Variants in PSME4 observed in about 807,000 individuals in gnomAD.
The protein encoded by PSME4 is proteasome activator subunit 4.
In PSME4, 89 loss-of-function variants were observed where a neutral mutation model predicts 253.9. That is an observed-to-expected ratio of 0.35 (90% CI 0.30 to 0.42). The LOEUF is 0.42. Among genes scored for constraint, PSME4 ranks in the 10% least tolerant of loss-of-function variants. PSME4 has a pLI of 1.00. For synonymous variants in PSME4, 851 were observed against 759.2 expected, an observed-to-expected ratio of 1.12 and a Z score of -1.99; for missense variants, 2,014 against 2,195.2, an observed-to-expected ratio of 0.92 and a Z score of 1.65.
At chr2:53,948,560 T>C in intron 2 of PSME4, 23 bp from the exon 3 acceptor site, 2 of 1,361,842 alleles carry the variant, frequency 1.5e-6, no homozygotes, top group Non-Finnish European at 2.1e-6. Flanking sequence ...ATAAAATAAA[T>C]ACCTATGTAT....
chr2:53,895,869 T>C (rs1680115802), intron 32 of PSME4, 133 bp from the exon 33 acceptor site: 3 of 764,624 alleles, frequency 3.9e-6, no homozygotes, highest in Middle Eastern at 2.9e-4. Flanking sequence ...TAAGATAACA[T>C]ATATATGAGC....
intron 3 of PSME4, among the ~76,000 whole-genome samples, chr2:53,948,192 C>G (rs1453793011): frequency 6.6e-6 from 1 of 152,058 alleles, no homozygotes; most frequent in African/African-American, 2.4e-5. Flanking sequence ...AATTAGCTAT[C>G]AAAGAGGCAG....
rs1395272594 is a variant in PSME4, at chr2:53,906,421, G to A, written c.2943+177C>T. ...CATGAGTTAAGAGAGCCTAGCTTTT[G>A]GTCCTGGTTTTATTACTTCCTGGAG... On this transcript the variant is annotated intron_variant, in intron 26 of 46. Coordinates refer to ENST00000404125, the MANE Select transcript of PSME4 (RefSeq NM_014614.3). Among the ~76,000 whole-genome samples the A allele has an allele frequency of 2.6e-5, 4 of 152,074 alleles. No individual in the cohort carries two copies. The East Asian group carries it at 7.7e-4, about 29-fold the overall frequency.
chr2:53,905,570 C>T (rs922804955), intron 26 of PSME4, among the ~76,000 whole-genome samples: 1 of 152,130 alleles, frequency 6.6e-6, no homozygotes, highest in Non-Finnish European at 1.5e-5. Flanking sequence ...AGCATGGTGG[C>T]GCATGCCTGT....
At chr2:53,878,586 C>T (rs1679240207) in intron 41 of PSME4, among the ~76,000 whole-genome samples, 1 of 152,304 alleles carries the variant, frequency 6.6e-6, no homozygotes, top group African/African-American at 2.4e-5. Context: ...AGTAACATCC[C>T]TGAGAAAGAG....
chr2:53,887,492 AG>A, intron 39 of PSME4, 25 bp from the exon 40 acceptor site: 1 of 1,569,726 alleles, frequency 6.4e-7, no homozygotes, highest in Non-Finnish European at 8.7e-7. Flanking sequence ...ACTTAATAAT[AG>A]GAAGAGGTGC....
chr2:53,894,645 A>G (rs1477173142), intron 34 of PSME4, among the ~76,000 whole-genome samples: 1 of 149,066 alleles, frequency 6.7e-6, no homozygotes, highest in Non-Finnish European at 1.5e-5. Flanking sequence ...ACATGCATTT[A>G]CGGAGATCCC....
chr2:53,901,796 G>A (rs919225870), intron 27 of PSME4, among the ~76,000 whole-genome samples: 3 of 152,214 alleles, frequency 2.0e-5, no homozygotes, highest in Non-Finnish European at 2.9e-5. Flanking sequence ...TGGGACAGGT[G>A]AGGTGGCTCA....
intron 26 of PSME4, among the ~76,000 whole-genome samples, chr2:53,905,798 CAGAG>C (rs1553410633): frequency 6.6e-6 from 1 of 152,082 alleles, no homozygotes; most frequent in African/African-American, 2.4e-5. Flanking sequence ...GCCTGGGTAA[CAGAG>C]AGAGACCTTG....
At chr2:53,948,011 A>G (rs1340616170) in intron 3 of PSME4, among the ~76,000 whole-genome samples, 1 of 152,172 alleles carries the variant, frequency 6.6e-6, no homozygotes, top group Non-Finnish European at 1.5e-5. Context: ...GTGAGACACC[A>G]TCTCAGAAAA....
chr2:53,962,687 A>G (rs976818505), intron 1 of PSME4, among the ~76,000 whole-genome samples: 23 of 152,188 alleles, frequency 1.5e-4, no homozygotes, highest in African/African-American at 4.8e-4. Context: ...CACCTGGCCT[A>G]GTCTGTCCTA....
chr2:53,869,503 C>A lies in PSME4; in HGVS notation c.5136G>T (p.Leu1712=). ...CCATGGTAAGAAAGTTACACTGTAG[C>A]AGACCGCTTAAGGTAGTAGCAGCCA... ...REMAATTLSG[L]LQCNFLTMDS... is the part of the protein sequence containing the mutation. Residue 1712 remains leucine (L), a synonymous_variant, in exon 44 of 47, where the codon CTG becomes CTT. Coordinates refer to ENST00000404125, the MANE Select transcript of PSME4 (RefSeq NM_014614.3). 2 of 1,564,562 alleles carry A rather than the reference C, an allele frequency of 1.3e-6. No individual in the cohort carries two copies. Among genetic ancestry groups the A allele is most frequent in the South Asian group, 1.2e-5 (1 of 83,788 alleles).
At chr2:53,928,350 A>G (rs779353439) in intron 10 of PSME4, 47 bp from the exon 11 acceptor site, 32 of 1,348,822 alleles carry the variant, frequency 2.4e-5, no homozygotes, top group Non-Finnish European at 3.1e-5. Flanking sequence ...ACAGATATGC[A>G]TAATACCATA....
intron 22 of PSME4, 22 bp downstream of exon 22, chr2:53,908,762 T>C (rs1667681845): frequency 1.3e-5 from 21 of 1,559,832 alleles, no homozygotes; most frequent in African/African-American, 2.7e-5. Flanking sequence ...TACAAATAAG[T>C]TAAATGTACA....
intron 36 of PSME4, among the ~76,000 whole-genome samples, chr2:53,891,173 T>C (rs1679888822): frequency 6.6e-6 from 1 of 152,216 alleles, no homozygotes; most frequent in East Asian, 1.9e-4. Flanking sequence ...GCAATGACAT[T>C]TTAATTTAAT....
In PSME4 at chr2:53,928,140, G is replaced by T; in HGVS notation, c.1480C>A (p.Pro494Thr). ...ACCATGCATTTACTAAAGTCATTTG[G>T]ATCCACCCCAGGCAATGCTCTCATC... ...LLMRALPGVDPNDFSKCMITF... is the reference protein window; with the variant it reads ...LLMRALPGVDTNDFSKCMITF... Residue 494 changes from proline to threonine, a missense_variant, in exon 11 of 47, where the codon CCA (proline) becomes ACA (threonine). Pro to Thr is a conservative substitution (Grantham distance 38). Around this residue, in one of 4 missense-constraint regions of PSME4, gnomAD observed 7 missense variants for 23.5 expected, o/e 0.30. Coordinates refer to ENST00000404125, the MANE Select transcript of PSME4 (RefSeq NM_014614.3). 6.2e-7 allele frequency: 1 copy of T among 1,613,662 alleles called. No homozygotes were observed. The highest frequency in any genetic ancestry group is 8.5e-7 in the Non-Finnish European group (1 of 1,179,756).
intron 14 of PSME4, among the ~76,000 whole-genome samples, chr2:53,925,095 A>G (rs776941510): frequency 2.0e-5 from 3 of 152,210 alleles, no homozygotes; most frequent in African/African-American, 7.2e-5. Context: ...AGGAACCCTC[A>G]ACCACTTTAA....
chr2:53,919,308 C>T, intron 19 of PSME4, 62 bp from the exon 20 acceptor site: 2 of 1,487,628 alleles, frequency 1.3e-6, no homozygotes, highest in South Asian at 2.7e-5. Flanking sequence ...CCTGCTAGAG[C>T]CTAGCACAGA....
Position 53,898,083 on chromosome 2 carries a change from T to C in PSME4, c.3477-84A>G, listed in dbSNP as rs143544436. The C allele has an allele frequency of 8.2e-6, 12 of 1,465,386 alleles. No individual in the cohort carries two copies. The East Asian group carries it at 1.4e-4, about 17-fold the overall frequency. The allele number at this position is 1,465,386 out of a possible 1,614,324, so 90.8% of individuals were successfully genotyped here. On this transcript the variant is annotated intron_variant, in intron 30 of 46. Coordinates refer to ENST00000404125, the MANE Select transcript of PSME4 (RefSeq NM_014614.3). ...ACTGTATGTGAAACACCTTATAATTTTAAATTTCTCAAGAATTAAAATAGG... is the reference window on the plus strand; with the variant it reads ...ACTGTATGTGAAACACCTTATAATTCTAAATTTCTCAAGAATTAAAATAGG...
Sources: allele counts gnomAD v4.1 joint callset (sites outside exome capture counted in the v4.1 genomes callset), GRCh38; gene constraint gnomAD v4.1.1; regional missense constraint gnomAD v4.1.1; transcripts MANE v1.5; gene names NCBI Gene and HGNC (gene_info 2026-07-23, HGNC 2026-07-21).